Variants in FGF14 observed in about 807,000 individuals in gnomAD.
FGF14 encodes the protein fibroblast growth factor homologous factor 4.
Under a neutral mutation model 25.5 loss-of-function variants are expected in FGF14, and 5 were observed. The observed-to-expected ratio is 0.20, with a 90% CI of 0.10 to 0.41. The LOEUF (loss-of-function observed/expected upper bound fraction) is 0.41, where lower values mean the gene tolerates loss of function less well. FGF14 is among the 10% of genes least tolerant of loss of function. The pLI is 1.00. For missense variants in FGF14, 222 were observed against 320.1 expected (o/e 0.69, Z 2.34); for synonymous variants, 138 against 118.3 (o/e 1.17, Z -1.08).
intron 1 of FGF14, among the ~76,000 whole-genome samples, chr13:102,079,409 G>T (rs753471835): frequency 2.0e-5 from 3 of 151,942 alleles, no homozygotes; most frequent in African/African-American, 4.8e-5. Context: ...GTTATTCATT[G>T]ATCTATTCAA....
intron 3 of FGF14, among the ~76,000 whole-genome samples, chr13:101,851,300 GC>G (rs1246996902): frequency 6.6e-6 from 1 of 151,988 alleles, no homozygotes; most frequent in East Asian, 1.9e-4. Context: ...GTCAAGGGAT[GC>G]CTAAGATTGC....
At chr13:101,820,806 A>C (rs9557741) in intron 3 of FGF14, among the ~76,000 whole-genome samples, 37,894 of 83,740 alleles carry the variant, frequency 0.45, 7,491 homozygotes, top group Admixed American at 0.5. Context: ...ACACACACAC[A>C]ACACACACAC....
At chr13:102,300,911 A>G (rs1369158613) in intron 1 of FGF14, among the ~76,000 whole-genome samples, 1 of 128,702 alleles carries the variant, frequency 7.8e-6, no homozygotes, top group Non-Finnish European at 1.6e-5. Context: ...CCTTACCAAT[A>G]TGCACACAGA....
At chr13:101,917,162 G>A (rs1013295226), upstream of FGF14, among the ~76,000 whole-genome samples, 4 of 151,506 alleles carry the variant, frequency 2.6e-5, no homozygotes, top group Admixed American at 6.6e-5. Context: ...AGCTGCCCGC[G>A]GGCCGGTGCC....
intron 3 of FGF14, among the ~76,000 whole-genome samples, chr13:101,849,883 G>A (rs371216501): frequency 7.1e-4 from 108 of 152,006 alleles, no homozygotes; most frequent in Non-Finnish European, 2.8e-4. Flanking sequence ...AGCTCCTCTG[G>A]GATATCCACC....
intron 3 of FGF14, among the ~76,000 whole-genome samples, chr13:101,807,117 T>C (rs1475775042): frequency 2.0e-5 from 3 of 152,168 alleles, no homozygotes; most frequent in Admixed American, 1.3e-4. Flanking sequence ...AAGTATTGAC[T>C]ATAACCTTAT....
chr13:102,377,417 T>C (rs2058066250), intron 1 of FGF14, among the ~76,000 whole-genome samples: 1 of 152,206 alleles, frequency 6.6e-6, no homozygotes, highest in Non-Finnish European at 1.5e-5. Context: ...ATACATACAT[T>C]ATAAAAGTCT....
chr13:102,106,188 G>A (rs1349266483), intron 1 of FGF14, among the ~76,000 whole-genome samples: 1 of 152,136 alleles, frequency 6.6e-6, no homozygotes, highest in Non-Finnish European at 1.5e-5. Context: ...TCAATGTAGT[G>A]CTGAGTGATT....
intron 1 of FGF14, chr13:102,263,060 CT>C: frequency 3.0e-6 from 2 of 656,556 alleles, no homozygotes; most frequent in Non-Finnish European, 5.6e-6. Context: ...CAGCTTGGTT[CT>C]TTTCCAATGT....
At chr13:101,885,907 T>C (rs1374657311) in intron 1 of FGF14, among the ~76,000 whole-genome samples, 1 of 152,194 alleles carries the variant, frequency 6.6e-6, no homozygotes, top group Admixed American at 6.5e-5. Context: ...TGCCTGTTTT[T>C]GGTTTCCTTT....
intron 3 of FGF14, among the ~76,000 whole-genome samples, chr13:101,737,021 T>G (rs1292976281): frequency 6.9e-6 from 1 of 145,560 alleles, no homozygotes; most frequent in Non-Finnish European, 1.5e-5. Flanking sequence ...AACTATTCTA[T>G]TTTTTAATCT....
chr13:101,862,678 A>G (rs1243822237), intron 3 of FGF14, among the ~76,000 whole-genome samples: 2 of 152,136 alleles, frequency 1.3e-5, no homozygotes, highest in African/African-American at 4.8e-5. Flanking sequence ...ATGTCATGGG[A>G]ATTACACGAA....
chr13:102,373,824 C>A (rs1251786623), intron 1 of FGF14, among the ~76,000 whole-genome samples: 2 of 152,152 alleles, frequency 1.3e-5, no homozygotes, highest in African/African-American at 4.8e-5. Context: ...TCTTGTAGAA[C>A]AACAGCTCTC....
chr13:101,754,684 A>C (rs1275344902), intron 3 of FGF14, among the ~76,000 whole-genome samples: 2 of 151,776 alleles, frequency 1.3e-5, no homozygotes, highest in African/African-American at 4.8e-5. Context: ...ACCCGAGATC[A>C]CACCACTGCA....
At chr13:102,317,577 T>C (rs1386996578) in intron 1 of FGF14, among the ~76,000 whole-genome samples, 1 of 152,252 alleles carries the variant, frequency 6.6e-6, no homozygotes, top group Non-Finnish European at 1.5e-5. Flanking sequence ...TTCTGGTTTT[T>C]AAACCTTTGT....
At chr13:102,401,187 C>G (rs1041087495) in intron 1 of FGF14, among the ~76,000 whole-genome samples, 3 of 151,118 alleles carry the variant, frequency 2.0e-5, no homozygotes, top group African/African-American at 7.3e-5. Context: ...ACTATTCCAC[C>G]AAACATAGGC....
chr13:102,400,335 C>T lies in FGF14; in HGVS notation c.208+1136G>A, dbSNP rs2058673842. ...CTGCGGGACGGCCGATCTGCCCGCT[C>T]CCTCCTTCAGACACAACCCCAGACA... On this transcript the variant is annotated intron_variant, in intron 1 of 4. Transcript: ENST00000376131. The surrounding 1 kb of genome is among the most constrained non-coding windows in gnomAD (Gnocchi z 4.3). 6.6e-6 allele frequency among the ~76,000 whole-genome samples: 1 copy of T among 152,216 alleles called. No individual in the cohort carries two copies. Among genetic ancestry groups the T allele is most frequent in the Non-Finnish European group, 1.5e-5 (1 of 68,030 alleles).
chr13:102,333,473 C>T (rs987450874), intron 1 of FGF14, among the ~76,000 whole-genome samples: 7 of 152,108 alleles, frequency 4.6e-5, no homozygotes, highest in Admixed American at 3.9e-4. Flanking sequence ...AAACTGAGTC[C>T]CCTGCTATAC....
intron 3 of FGF14, among the ~76,000 whole-genome samples, chr13:101,806,458 T>C (rs968592301): frequency 1.3e-5 from 2 of 151,058 alleles, no homozygotes; most frequent in African/African-American, 4.9e-5. Flanking sequence ...AATATATGTA[T>C]ATGTACATTG....
Sources: gnomAD v4.1 joint callset for allele counts (sites outside exome capture counted in the v4.1 genomes callset) on GRCh38, gnomAD v4.1.1 for gene constraint, Gnocchi (gnomAD v3.1) non-coding constraint, MANE v1.5 for transcripts, NCBI Gene and HGNC (gene_info 2026-07-23, HGNC 2026-07-21) for gene names.